The following NTM variants were observed in gnomAD, a reference collection of about 807,000 sequenced individuals.
NTM encodes IgLON family member 2.
A neutral mutation model predicts 42.1 loss-of-function variants in NTM; 13 were observed. The observed-to-expected ratio is 0.31, with a 90% confidence interval of 0.20 to 0.49. The LOEUF (loss-of-function observed/expected upper bound fraction) is 0.49, where lower values mean the gene tolerates loss of function less well. NTM is among the 20% of genes least tolerant of loss of function. NTM has a pLI of 0.99. For missense variants in NTM, 373 were observed against 452.8 expected (o/e 0.82, Z 1.60); for synonymous variants, 187 against 179.2 (o/e 1.04, Z -0.35).
chr11:131,648,506 A>G (rs898336142), intron 1 of NTM, among the ~76,000 whole-genome samples: 2 of 152,148 alleles, frequency 1.3e-5, no homozygotes, highest in Non-Finnish European at 2.9e-5. Context: ...CCTCACCAGC[A>G]TTTATTTTTT....
intron 7 of NTM, among the ~76,000 whole-genome samples, chr11:132,320,515 C>T (rs377329054): frequency 6.6e-5 from 10 of 152,332 alleles, no homozygotes; most frequent in African/African-American, 2.2e-4. Context: ...CCAGCTGGCT[C>T]GGAGGGTCCT....
intron 1 of NTM, among the ~76,000 whole-genome samples, chr11:131,401,150 C>T (rs1018047258): frequency 6.6e-6 from 1 of 151,936 alleles, no homozygotes; most frequent in Non-Finnish European, 1.5e-5. Context: ...AAATATTTAG[C>T]CTTTAATTAA....
At chr11:132,271,153 T>C (rs894350554) in intron 4 of NTM, among the ~76,000 whole-genome samples, 5 of 152,222 alleles carry the variant, frequency 3.3e-5, no homozygotes, top group African/African-American at 1.2e-4. Flanking sequence ...GTTCGGTTTA[T>C]ATCTTTTGTC....
intron 2 of NTM, among the ~76,000 whole-genome samples, chr11:131,997,966 G>T (rs1024169657): frequency 6.7e-6 from 1 of 149,928 alleles, no homozygotes; most frequent in African/African-American, 2.5e-5. Context: ...CTTCCTTTCC[G>T]CCCCTCCCCT....
chr11:132,137,866 G>A (rs971245434), intron 2 of NTM, among the ~76,000 whole-genome samples: 2 of 152,176 alleles, frequency 1.3e-5, no homozygotes, highest in East Asian at 1.9e-4. Flanking sequence ...CGTGCTGGTC[G>A]GCCTGCACTG....
At chr11:131,401,142 A>G (rs12808019) in intron 1 of NTM, among the ~76,000 whole-genome samples, 8,785 of 152,122 alleles carry the variant, frequency 0.058, 304 homozygotes, top group African/African-American at 0.1. Context: ...AAACCTAAAA[A>G]TATTTAGCCT....
At chr11:131,989,943 A>G (rs1295122065) in intron 2 of NTM, among the ~76,000 whole-genome samples, 1 of 152,132 alleles carries the variant, frequency 6.6e-6, no homozygotes. Flanking sequence ...AACTGATGTC[A>G]GTGGGGATAG....
intron 2 of NTM, among the ~76,000 whole-genome samples, chr11:132,085,493 C>T (rs1445272470): frequency 1.3e-5 from 2 of 152,214 alleles, no homozygotes; most frequent in African/African-American, 4.8e-5. Flanking sequence ...AACCTAGTAT[C>T]TGACCCGTAT....
At chr11:131,448,356 T>C (rs2136025049) in intron 1 of NTM, among the ~76,000 whole-genome samples, 1 of 152,030 alleles carries the variant, frequency 6.6e-6, no homozygotes, top group East Asian at 2.0e-4. Flanking sequence ...CCCCAGGGGG[T>C]TCACTGTCCC....
intron 1 of NTM, among the ~76,000 whole-genome samples, chr11:131,465,945 C>A (rs1249344366): frequency 6.6e-6 from 1 of 152,232 alleles, no homozygotes; most frequent in African/African-American, 2.4e-5. Context: ...GGCTGATGAC[C>A]ACAAGGGGGC....
At chr11:131,876,046 C>T (rs58239213) in intron 1 of NTM, among the ~76,000 whole-genome samples, 2,917 of 152,256 alleles carry the variant, frequency 0.019, 94 homozygotes, top group African/African-American at 0.066. Context: ...AAGCGATTTC[C>T]GTGACATTTT....
intron 2 of NTM, among the ~76,000 whole-genome samples, chr11:132,014,318 C>T (rs557327624): frequency 6.6e-6 from 1 of 152,202 alleles, no homozygotes; most frequent in Non-Finnish European, 1.5e-5. Context: ...GTTGGTTCCA[C>T]ATCTTTGCTA....
At chr11:132,247,910 G>A (rs536137689) in intron 4 of NTM, among the ~76,000 whole-genome samples, 1 of 152,042 alleles carries the variant, frequency 6.6e-6, no homozygotes, top group Non-Finnish European at 1.5e-5. Context: ...ATCTGAACTA[G>A]TTAACCCCTG....
chr11:132,328,299 G>T (rs75113732), intron 7 of NTM, among the ~76,000 whole-genome samples: 4,593 of 152,250 alleles, frequency 0.03, 222 homozygotes, highest in African/African-American at 0.1. Context: ...GACTGGAAAG[G>T]TTGAACAACT....
intron 1 of NTM, among the ~76,000 whole-genome samples, chr11:131,862,335 G>A (rs1461315198): frequency 6.6e-6 from 1 of 152,180 alleles, no homozygotes; most frequent in Non-Finnish European, 1.5e-5. Flanking sequence ...CCTGACAAAA[G>A]AAAGCCATCA....
rs529063447 is a variant in NTM, at chr11:131,744,880, A to T, written c.83-166684A>T. 8.5e-5 allele frequency among the ~76,000 whole-genome samples: 13 copies of T among 152,254 alleles called. No homozygotes were observed. The South Asian group carries it at 2.5e-3, about 29-fold the overall frequency. On this transcript the variant is annotated intron_variant, in intron 1 of 8. Transcript: ENST00000683400. Reference sequence around the variant, plus strand: ...GGTGTGTCAGTGCAGCGTTCGTATCACATCTGAATCGCTGGATACCGACTA... The same window carrying T: ...GGTGTGTCAGTGCAGCGTTCGTATCTCATCTGAATCGCTGGATACCGACTA...
At chr11:131,403,788 A>G (rs761969103) in intron 1 of NTM, among the ~76,000 whole-genome samples, 1 of 152,202 alleles carries the variant, frequency 6.6e-6, no homozygotes, top group Non-Finnish European at 1.5e-5. Flanking sequence ...TCAGGAACTA[A>G]CTTATCTTCC....
chr11:131,650,029 C>T (rs2066271688), intron 1 of NTM, among the ~76,000 whole-genome samples: 1 of 152,180 alleles, frequency 6.6e-6, no homozygotes, highest in African/African-American at 2.4e-5. Flanking sequence ...AGGAAGGAAG[C>T]AGGAAGCTTA....
At chr11:131,393,668 A>G (rs1272610270) in intron 1 of NTM, among the ~76,000 whole-genome samples, 1 of 151,962 alleles carries the variant, frequency 6.6e-6, no homozygotes, top group Non-Finnish European at 1.5e-5. Context: ...GCAAAGACCT[A>G]CCTTTGGCCC....
Sources: allele counts gnomAD v4.1 joint callset (sites outside exome capture counted in the v4.1 genomes callset), GRCh38; gene constraint gnomAD v4.1.1; transcripts MANE v1.5; gene names NCBI Gene and HGNC (gene_info 2026-07-23, HGNC 2026-07-21).